The following PFKFB3 variants were observed in gnomAD, a reference collection of about 807,000 sequenced individuals.
The protein encoded by PFKFB3 is 6-phosphofructo-2-kinase/fructose-2,6-bisphosphatase 3.
Under a neutral mutation model 68.0 loss-of-function variants are expected in PFKFB3, and 33 were observed. The ratio of observed to expected loss-of-function variants is 0.49; its 90% CI spans 0.37 to 0.65. PFKFB3 has a LOEUF of 0.65. PFKFB3 is among the 30% of genes least tolerant of loss of function. The pLI, the probability that PFKFB3 is intolerant of heterozygous loss-of-function variation, is 0.00. For synonymous variants in PFKFB3, 315 were observed against 288.2 expected, an observed-to-expected ratio of 1.09 and a Z score of -0.94; for missense variants, 586 against 712.2, an observed-to-expected ratio of 0.82 and a Z score of 2.02.
chr10:6,227,962 T>A (rs1588535423), intron 14 of PFKFB3, among the ~76,000 whole-genome samples: 1 of 151,682 alleles, frequency 6.6e-6, no homozygotes, highest in Admixed American at 6.6e-5. Context: ...GGGAAGGGGG[T>A]TGATATCCTG....
chr10:6,183,923 C>G (rs1185730700), intron 1 of PFKFB3, among the ~76,000 whole-genome samples: 1 of 151,690 alleles, frequency 6.6e-6, no homozygotes, highest in Non-Finnish European at 1.5e-5. Context: ...ATCTCCTGAC[C>G]TCGTGATCCA....
Position 6,180,071 on chromosome 10 carries a change from G to A in PFKFB3, c.17-33552G>A, listed in dbSNP as rs148111038. 2.1e-3 allele frequency among the ~76,000 whole-genome samples: 320 copies of A among 152,218 alleles called. 2 individuals carry two copies. The highest frequency in any genetic ancestry group is 7.0e-3 in the African/African-American group (289 of 41,536). On this transcript the variant is annotated intron_variant, in intron 1 of 14. Transcript: ENST00000379789. Reference sequence around the variant, plus strand: ...TTAAAAATGTGTGTGGGCCAGGCTCGGTGGCGCTCGCGTGTAATCCCAGCA... The same window carrying A: ...TTAAAAATGTGTGTGGGCCAGGCTCAGTGGCGCTCGCGTGTAATCCCAGCA...
At chr10:6,184,818 G>A (rs1243556613) in intron 1 of PFKFB3, among the ~76,000 whole-genome samples, 1 of 138,920 alleles carries the variant, frequency 7.2e-6, no homozygotes, top group African/African-American at 2.7e-5. Context: ...GTGTTGCCCA[G>A]GCTGGTCCCA....
the PFKFB3 span, among the ~76,000 whole-genome samples, chr10:6,323,523 C>CT: frequency 6.6e-6 from 1 of 152,302 alleles, no homozygotes; most frequent in South Asian, 2.1e-4. Flanking sequence ...GCGCTTAGCT[C>CT]TGTGTTTTGC....
intron 14 of PFKFB3, among the ~76,000 whole-genome samples, chr10:6,250,183 A>C (rs1363064067): frequency 4.6e-5 from 7 of 152,134 alleles, no homozygotes; most frequent in Non-Finnish European, 1.0e-4. Flanking sequence ...CTATGGTATA[A>C]AATAGTTTAA....
intron 1 of PFKFB3, among the ~76,000 whole-genome samples, chr10:6,157,159 A>G (rs1841828689): frequency 6.6e-6 from 1 of 152,098 alleles, no homozygotes; most frequent in African/African-American, 2.4e-5. Context: ...GAAAATGGAA[A>G]CAAGGATTTT....
chr10:6,289,812 G>C, the PFKFB3 span, among the ~76,000 whole-genome samples: 1 of 132,152 alleles, frequency 7.6e-6, no homozygotes, highest in African/African-American at 2.9e-5. Flanking sequence ...CCATTTTCAT[G>C]ATATTGATTC....
upstream of PFKFB3, chr10:6,202,660 G>T (rs568577252): frequency 1.0e-4 from 16 of 156,412 alleles, no homozygotes; most frequent in South Asian, 2.7e-3. Flanking sequence ...TGTGCCAGAC[G>T]TCCCGAGGGG....
intron 1 of PFKFB3, among the ~76,000 whole-genome samples, chr10:6,188,869 C>A: frequency 7.0e-6 from 1 of 143,704 alleles, no homozygotes; most frequent in East Asian, 2.0e-4. Flanking sequence ...GAGTCTCGCT[C>A]TGTCCCCCAG....
At chr10:6,302,039 TTTTTC>T in the PFKFB3 span, among the ~76,000 whole-genome samples, 4 of 147,344 alleles carry the variant, frequency 2.7e-5, no homozygotes, top group Admixed American at 7.1e-5. Flanking sequence ...ATACTTGCGA[TTTTTC>T]TTTTCTTTTC....
intron 1 of PFKFB3, among the ~76,000 whole-genome samples, chr10:6,180,788 A>G (rs548238215): frequency 5.8e-4 from 89 of 152,288 alleles, no homozygotes; most frequent in African/African-American, 2.0e-3. Flanking sequence ...TTTATCACCA[A>G]TGTATGCAAT....
intron 14 of PFKFB3, among the ~76,000 whole-genome samples, chr10:6,246,568 C>A (rs779326026): frequency 7.2e-5 from 11 of 152,002 alleles, no homozygotes; most frequent in Non-Finnish European, 1.6e-4. Context: ...TCTTGAACTC[C>A]TGACCTCAGG....
At chr10:6,146,846 A>G (rs1048689377) in intron 1 of PFKFB3, among the ~76,000 whole-genome samples, 2 of 152,224 alleles carry the variant, frequency 1.3e-5, no homozygotes, top group African/African-American at 4.8e-5. Flanking sequence ...TTTTTTGGTT[A>G]TTATCATTGT....
the PFKFB3 span, among the ~76,000 whole-genome samples, chr10:6,287,109 T>C: frequency 6.6e-6 from 1 of 152,164 alleles, no homozygotes; most frequent in African/African-American, 2.4e-5. Flanking sequence ...TGTTTTGTTT[T>C]GGAGCCTCAC....
chr10:6,184,413 C>T (rs969056953), intron 1 of PFKFB3, among the ~76,000 whole-genome samples: 6 of 152,084 alleles, frequency 3.9e-5, no homozygotes, highest in East Asian at 1.9e-4. Context: ...CTGGTTTAAT[C>T]GGTCTGGGAT....
At chr10:6,157,245 G>C (rs1302261001) in intron 1 of PFKFB3, among the ~76,000 whole-genome samples, 1 of 140,618 alleles carries the variant, frequency 7.1e-6, no homozygotes, top group South Asian at 2.2e-4. Context: ...TTTTTTTTTT[G>C]AGACGGAGTC....
Position 6,248,802 on chromosome 10 carries a change from A to G in PFKFB3, c.1516-5376A>G, listed in dbSNP as rs532821220. Among the ~76,000 whole-genome samples, 3 of 152,324 alleles carry G rather than the reference A, an allele frequency of 2.0e-5. No homozygotes were observed. In the South Asian group the frequency reaches 6.2e-4, roughly 32 times the overall value. ...AAATGAAAATTAAAACCACAATGAG[A>G]TTTTTAGTTCACACCTGTCAAAATG... On this transcript the variant is annotated intron_variant, in intron 14 of 14. Coordinates refer to the PFKFB3 transcript ENST00000640683.
At chr10:6,288,574 G>A in the PFKFB3 span, among the ~76,000 whole-genome samples, 1 of 151,780 alleles carries the variant, frequency 6.6e-6, no homozygotes, top group Non-Finnish European at 1.5e-5. Context: ...TGGTGTATAT[G>A]TGCCACATTT....
At chr10:6,198,313 G>A (rs575213794), upstream of PFKFB3, among the ~76,000 whole-genome samples, 26 of 152,150 alleles carry the variant, frequency 1.7e-4, no homozygotes, top group South Asian at 5.0e-3. Context: ...GAGTGACAGG[G>A]TCGGGGCAGA....
Sources: gnomAD v4.1 joint callset for allele counts (sites outside exome capture counted in the v4.1 genomes callset) on GRCh38, gnomAD v4.1.1 for gene constraint, MANE v1.5 for transcripts, NCBI Gene and HGNC (gene_info 2026-07-23, HGNC 2026-07-21) for gene names.